TBRG4: variants seen among roughly 807,000 people sequenced by gnomAD.
The protein encoded by TBRG4 is transforming growth factor beta regulator 4.
Under a neutral mutation model 65.6 loss-of-function variants are expected in TBRG4, and 43 were observed. The observed-to-expected ratio is 0.66, with a 90% CI of 0.51 to 0.85. The LOEUF (loss-of-function observed/expected upper bound fraction) is 0.85, where lower values mean the gene tolerates loss of function less well. Among genes scored for constraint, TBRG4 ranks in the 40% least tolerant of loss-of-function variants. The probability of loss-of-function intolerance (pLI) is 0.00; values close to 1 mark genes in which losing one functional copy is unlikely to be tolerated. For synonymous variants in TBRG4, 366 were observed against 341.4 expected (o/e 1.07, Z -0.79); for missense variants, 709 against 787.9 (o/e 0.90, Z 1.20).
Position 45,101,886 on chromosome 7 carries a change from C to T in TBRG4, c.1506G>A (p.Gly502=), listed in dbSNP as rs746432023. The change falls in exon 8 of 11, where the codon GGG becomes GGA. Residue 502 remains glycine (G), a synonymous_variant. Transcript: ENST00000258770. ...LQKELQETLK[G]LLGSADKGSL... is the part of the protein sequence containing the mutation. ...TGCCCTTGTCGGCGCTCCCCAGCAG[C>T]CCCTTCAGCGTCTCCTGCAGCTCCT... The T allele has an allele frequency of 4.3e-6, 7 of 1,611,238 alleles. No individual in the cohort carries two copies. The South Asian group carries it at 4.4e-5, about 10-fold the overall frequency.
At chr7:45,111,376 T>G (rs1044963663) in intron 1 of TBRG4, 1 of 196,124 alleles carries the variant, frequency 5.1e-6, no homozygotes, top group African/African-American at 2.4e-5. Flanking sequence ...AGAAAACAAC[T>G]TGCACTAAGT....
chr7:45,101,227 T>C, intron 10 of TBRG4, 31 bp downstream of exon 10: 1 of 1,598,828 alleles, frequency 6.3e-7, no homozygotes, highest in Non-Finnish European at 8.6e-7. Context: ...ATTCTCCCTG[T>C]GCAGTGACCA....
chr7:45,103,301 A>T, intron 6 of TBRG4, 32 bp downstream of exon 6: 1 of 1,552,198 alleles, frequency 6.4e-7, no homozygotes, highest in Non-Finnish European at 8.8e-7. Flanking sequence ...GGGGAGGATA[A>T]AGGTCGAGCA....
rs776422679 is a variant in TBRG4 at position 45,102,438 on chromosome 7, C to T, written c.1230G>A (p.Val410=). ...GCACACACAGGGCCCACACCAGGTC[C>T]ACCTGCAGGGCTGGCTCCAGGCCTG... ...ELPGLEPALQ[V]DLVWALCVLQ... is the part of the protein sequence containing the mutation. The change falls in exon 7 of 11, where the codon GTG becomes GTA. Residue 410 remains valine (V), a synonymous_variant. Coordinates refer to ENST00000258770, the MANE Select transcript of TBRG4 (RefSeq NM_004749.4). 6.2e-6 allele frequency: 10 copies of T among 1,613,704 alleles called. No individual in the cohort carries two copies. In the East Asian group the frequency reaches 1.1e-4, roughly 18 times the overall value.
intron 4 of TBRG4, 78 bp downstream of exon 4, chr7:45,104,460 G>A (rs759600791): frequency 6.2e-7 from 1 of 1,607,498 alleles, no homozygotes; most frequent in Non-Finnish European, 8.5e-7. Context: ...CATAGGACAG[G>A]TACTGAATTT....
chr7:45,104,596 C>T lies in TBRG4; in HGVS notation c.849G>A (p.Leu283=), dbSNP rs1034717390. 3.1e-6 allele frequency: 5 copies of T among 1,613,944 alleles called. No homozygotes were observed. In the East Asian group the frequency reaches 6.7e-5, roughly 22 times the overall value. Residue 283 remains leucine (L), a synonymous_variant, in exon 4 of 11, where the codon CTG becomes CTA. Transcript: ENST00000258770. ...VPLLRAISYH[L]VQKPFSLTKD... is the part of the protein sequence containing the mutation. ...TCGTCAGAGAGAAGGGCTTCTGCAC[C>T]AGGTGGTAGGAGATGGCCCGCAGCA...
In TBRG4 at chr7:45,104,222, C is replaced by A; in HGVS notation, c.942G>T (p.Gln314His). The A allele has an allele frequency of 6.2e-7, 1 of 1,614,120 alleles. No homozygotes were observed. The highest frequency in any genetic ancestry group is 1.1e-5 in the South Asian group (1 of 91,086). The change falls in exon 5 of 11, where the codon CAG becomes CAT. Residue 314 changes from glutamine to histidine, a missense_variant. Gln to His is a conservative substitution (Grantham distance 24). Coordinates refer to ENST00000258770, the MANE Select transcript of TBRG4 (RefSeq NM_004749.4). The part of the protein sequence containing the change: ...KLSFHQTQVS[Q>H]RLATDLLSLM... The stretch of plus-strand genomic sequence containing the variant: ...GGGATAGCAGGTCGGTGGCCAGGCG[C>A]TGGGACACCTGGGTCTGGTGAAAGC...
At position 45,105,504 on chromosome 7, in the gene TBRG4, TA is replaced by T. The variant is rs751690219; in HGVS notation, c.671del (p.Leu224Ter). 1.9e-6 allele frequency: 3 copies of T among 1,614,160 alleles called. No homozygotes were observed. Among genetic ancestry groups the T allele is most frequent in the Non-Finnish European group, 2.5e-6 (3 of 1,180,004 alleles). ...GTCCCACCTTCATCATGACGGTCAC[TA>T]ATGTGTGGGAATCTTCAATTTCTGT... ...RWTEIEDSHT[L>X]VTVMMKVGHL... is the part of the protein sequence containing the mutation. On this transcript the variant is annotated frameshift_variant, in exon 3 of 11. Coordinates refer to ENST00000258770, the MANE Select transcript of TBRG4 (RefSeq NM_004749.4). LOFTEE classifies it high-confidence loss of function.
chr7:45,105,170 G>A, intron 3 of TBRG4: 3 of 626,528 alleles, frequency 4.8e-6, no homozygotes, highest in Non-Finnish European at 8.7e-6. Flanking sequence ...CTGTGATGGG[G>A]TTTGGGGGAA....
rs746752662 is a variant in TBRG4 at position 45,102,420 on chromosome 7, C to T, written c.1248G>A (p.Leu416=). ...PALQVDLVWA[L]CVLQQAREAE... ...CTTCCCGTGCCTGCTGCAGCACACA[C>T]AGGGCCCACACCAGGTCCACCTGCA... The change falls in exon 7 of 11, where the codon CTG becomes CTA. Residue 416 remains leucine, a synonymous_variant. Coordinates refer to ENST00000258770, the MANE Select transcript of TBRG4 (RefSeq NM_004749.4). 2 of 1,613,912 alleles carry T rather than the reference C, an allele frequency of 1.2e-6. No individual in the cohort carries two copies. Among genetic ancestry groups the T allele is most frequent in the East Asian group, 2.2e-5 (1 of 44,876 alleles).
intron 3 of TBRG4, 155 bp from the exon 4 acceptor site, chr7:45,104,864 G>T: frequency 2.5e-6 from 3 of 1,200,348 alleles, no homozygotes; most frequent in Non-Finnish European, 3.6e-6. Flanking sequence ...ACTGTGCAGG[G>T]CCTGCCTCCT....
chr7:45,104,405 G>A, intron 4 of TBRG4, 133 bp downstream of exon 4: 1 of 1,570,372 alleles, frequency 6.4e-7, no homozygotes, highest in African/African-American at 1.3e-5. Context: ...GGGCCCATGA[G>A]TCACAGTGTT....
intron 4 of TBRG4, 91 bp downstream of exon 4, chr7:45,104,447 A>G (rs1784871891): frequency 1.4e-5 from 23 of 1,596,956 alleles, no homozygotes; most frequent in Non-Finnish European, 2.0e-5. Flanking sequence ...AGTGCCTACC[A>G]TGCATAGGAC....
Position 45,101,493 on chromosome 7 carries a change from G to A in TBRG4, c.1679+10C>T, listed in dbSNP as rs755770748. 1.2e-6 allele frequency: 2 copies of A among 1,611,450 alleles called. No homozygotes were observed. Among genetic ancestry groups the A allele is most frequent in the South Asian group, 1.1e-5 (1 of 90,670 alleles). ...GTGCCCCCATGGCCAACAGGTCCCT[G>A]GCCACCTACCTCTTAGACCCTGGAG... On this transcript the variant is annotated intron_variant, in intron 9 of 10. Coordinates refer to ENST00000258770, the MANE Select transcript of TBRG4 (RefSeq NM_004749.4).
chr7:45,109,169 C>T lies in TBRG4; in HGVS notation c.69G>A (p.Met23Ile). 6.2e-7 allele frequency: 1 copy of T among 1,613,974 alleles called. No individual in the cohort carries two copies. The highest frequency in any genetic ancestry group is 2.2e-5 in the East Asian group (1 of 44,892). The change falls in exon 2 of 11, where the codon ATG (methionine) becomes ATA (isoleucine). Residue 23 changes from methionine to isoleucine, a missense_variant. Physicochemically the swap from Met to Ile is conservative, Grantham distance 10. Coordinates refer to ENST00000258770, the MANE Select transcript of TBRG4 (RefSeq NM_004749.4). Reference sequence around the variant, plus strand: ...CAAGTCTCAGTCGGCCAACTGGAGCCATGGCAGGGGCCTGACGAGCAGCTT... The same window carrying T: ...CAAGTCTCAGTCGGCCAACTGGAGCTATGGCAGGGGCCTGACGAGCAGCTT... Reference protein sequence around the residue: ...LREAARQAPAMAPVGRLRLAW... With the variant: ...LREAARQAPAIAPVGRLRLAW...
At position 45,101,810 on chromosome 7, in the gene TBRG4, AG is replaced by A; in HGVS notation, c.1567+14del. ...GGCAATGCCAGGCCCTGTGCCAACCAGGGGGAGCCCTCACCCAGCACCCAGC... is the reference window on the plus strand; with the variant it reads ...GGCAATGCCAGGCCCTGTGCCAACCAGGGGAGCCCTCACCCAGCACCCAGC... On this transcript the variant is annotated intron_variant, in intron 8 of 10. Coordinates refer to ENST00000258770, the MANE Select transcript of TBRG4 (RefSeq NM_004749.4). The A allele has an allele frequency of 1.9e-6, 3 of 1,602,942 alleles. No individual in the cohort carries two copies. Among genetic ancestry groups the A allele is most frequent in the Admixed American group, 1.7e-5 (1 of 59,840 alleles).
intron 2 of TBRG4, chr7:45,106,703 A>C (rs1422335693): frequency 6.6e-6 from 1 of 152,238 alleles, no homozygotes; most frequent in Non-Finnish European, 1.5e-5. Flanking sequence ...TTGAACCTGG[A>C]AGGTGGAGGC....
intron 1 of TBRG4, 159 bp downstream of exon 1, chr7:45,111,484 G>T: frequency 1.1e-6 from 1 of 904,870 alleles, no homozygotes; most frequent in Non-Finnish European, 1.5e-6. Flanking sequence ...GCACTGGCAA[G>T]CCAGCACGGA....
rs775104030 is a variant in TBRG4, at chr7:45,111,661, G to T, written c.-69C>A. The T allele has an allele frequency of 2.6e-5, 34 of 1,289,430 alleles. No homozygotes were observed. The highest frequency in any genetic ancestry group is 2.1e-4 in the Middle Eastern group (1 of 4,696). 79.9% of individuals were successfully genotyped at this position (1,289,430 alleles called of 1,614,324 possible). ...GACCTACGCAGCGAGCACCACCGCT[G>T]ACCTCCATCCGCCGCCCTAACTGTC... is the stretch of plus-strand genomic sequence containing the variant. On this transcript the variant is annotated 5_prime_UTR_variant, in exon 1 of 11. Coordinates refer to ENST00000258770, the MANE Select transcript of TBRG4 (RefSeq NM_004749.4).
Sources: gnomAD v4.1 joint callset for allele counts on GRCh38, gnomAD v4.1.1 for gene constraint, MANE v1.5 for transcripts, NCBI Gene and HGNC (gene_info 2026-07-23, HGNC 2026-07-21) for gene names.